The following NPAS3 variants were observed in gnomAD, a reference collection of about 807,000 sequenced individuals.
NPAS3 encodes the protein neuronal PAS domain protein 3.
Under a neutral mutation model 73.1 loss-of-function variants are expected in NPAS3, and 14 were observed. The observed-to-expected ratio is 0.19, with a 90% CI of 0.13 to 0.30. The LOEUF (loss-of-function observed/expected upper bound fraction) is 0.30. Among genes scored for constraint, NPAS3 ranks in the 10% least tolerant of loss-of-function variants. The pLI, the probability that NPAS3 is intolerant of heterozygous loss-of-function variation, is 1.00. For synonymous variants in NPAS3, 620 were observed against 541.5 expected, an observed-to-expected ratio of 1.14 and a Z score of -2.01; for missense variants, 1,096 against 1,250.0, an observed-to-expected ratio of 0.88 and a Z score of 1.86.
chr14:33,287,875 TG>T (rs2041942969), intron 3 of NPAS3, among the ~76,000 whole-genome samples: 1 of 152,202 alleles, frequency 6.6e-6, no homozygotes, highest in African/African-American at 2.4e-5. Context: ...TCCACCAAAC[TG>T]GCATATTATG....
At chr14:33,604,511 C>T (rs1053579339) in intron 5 of NPAS3, among the ~76,000 whole-genome samples, 2 of 152,014 alleles carry the variant, frequency 1.3e-5, no homozygotes, top group Non-Finnish European at 1.5e-5. Flanking sequence ...AAAAAATTCA[C>T]AATTATAGTT....
At chr14:33,246,555 A>AAG (rs1555362062) in intron 3 of NPAS3, among the ~76,000 whole-genome samples, 5 of 146,244 alleles carry the variant, frequency 3.4e-5, no homozygotes, top group South Asian at 2.2e-4. Context: ...AAAAAAAAAA[A>AAG]AAGAAGAACT....
intron 3 of NPAS3, among the ~76,000 whole-genome samples, chr14:33,336,492 G>A (rs187488272): frequency 9.2e-5 from 14 of 152,308 alleles, no homozygotes; most frequent in Non-Finnish European, 2.1e-4. Flanking sequence ...TCCAGAGGAA[G>A]TTCACCACCT....
intron 5 of NPAS3, among the ~76,000 whole-genome samples, chr14:33,571,896 T>A (rs2056231581): frequency 6.6e-6 from 1 of 152,224 alleles, no homozygotes; most frequent in Admixed American, 6.5e-5. Flanking sequence ...TATATCATGC[T>A]GAAGGGGATA....
chr14:33,582,143 G>C (rs1396648843), intron 5 of NPAS3: 1 of 152,098 alleles, frequency 6.6e-6, no homozygotes, highest in Admixed American at 6.5e-5. Flanking sequence ...CATACATTTG[G>C]ACAAATTGTT....
chr14:33,742,690 TC>T (rs2061685723), intron 7 of NPAS3, among the ~76,000 whole-genome samples: 1 of 152,244 alleles, frequency 6.6e-6, no homozygotes, highest in African/African-American at 2.4e-5. Context: ...GTAGATTGAT[TC>T]TTCCTTTCAT....
chr14:33,138,836 A>G (rs2043938066), intron 2 of NPAS3, among the ~76,000 whole-genome samples: 1 of 152,240 alleles, frequency 6.6e-6, no homozygotes, highest in Admixed American at 6.5e-5. Context: ...CATGCAATGG[A>G]ACCTGACTTC....
intron 4 of NPAS3, among the ~76,000 whole-genome samples, chr14:33,498,118 A>G (rs1411822527): frequency 6.6e-6 from 1 of 152,200 alleles, no homozygotes; most frequent in Non-Finnish European, 1.5e-5. Flanking sequence ...TCATTAGAGA[A>G]ATGCAAGTCA....
At chr14:32,992,863 A>T (rs2038390687) in intron 1 of NPAS3, among the ~76,000 whole-genome samples, 1 of 152,072 alleles carries the variant, frequency 6.6e-6, no homozygotes, top group South Asian at 2.1e-4. Flanking sequence ...AAGGAAAATT[A>T]TGGTCTCTCG....
intron 1 of NPAS3, among the ~76,000 whole-genome samples, chr14:32,993,802 A>G (rs2038440047): frequency 6.6e-6 from 1 of 152,198 alleles, no homozygotes; most frequent in Admixed American, 6.5e-5. Flanking sequence ...AAAAAATAAG[A>G]TATTGTTACC....
At chr14:33,367,783 A>T (rs1228403886) in intron 4 of NPAS3, among the ~76,000 whole-genome samples, 1 of 152,138 alleles carries the variant, frequency 6.6e-6, no homozygotes, top group Admixed American at 6.5e-5. Context: ...ATATTTAAAA[A>T]TACTAGTAAA....
intron 2 of NPAS3, among the ~76,000 whole-genome samples, chr14:33,185,640 T>G (rs1223456326): frequency 6.6e-6 from 1 of 152,110 alleles, no homozygotes; most frequent in Non-Finnish European, 1.5e-5. Context: ...GAATGGAGAA[T>G]TTCTTGGAAA....
rs1958007 is a variant in NPAS3 at position 33,165,806 on chromosome 14, C to T, written c.141-49376C>T. Among the ~76,000 whole-genome samples, 357 of 152,126 alleles carry T rather than the reference C, an allele frequency of 2.3e-3. 2 individuals carry two copies. Among genetic ancestry groups the T allele is most frequent in the Non-Finnish European group, 4.1e-3 (280 of 67,996 alleles). ...AACAAAACTGTCAAGCACAGTGACA[C>T]TTTCTGTAGCAAACTTATTCAGCCT... On this transcript the variant is annotated intron_variant, in intron 2 of 11. Transcript: ENST00000356141.
At chr14:33,055,882 A>C (rs1171090496) in intron 1 of NPAS3, 23 bp from the exon 2 acceptor site, 2 of 787,530 alleles carry the variant, frequency 2.5e-6, no homozygotes, top group South Asian at 1.5e-5. Flanking sequence ...AGTCATGTCT[A>C]TCTGTTTTTG....
intron 3 of NPAS3, among the ~76,000 whole-genome samples, chr14:33,271,488 C>A (rs1181856305): frequency 6.6e-6 from 1 of 152,060 alleles, no homozygotes; most frequent in Non-Finnish European, 1.5e-5. Flanking sequence ...AGCAGGAGGT[C>A]AGAAAGAGTC....
chr14:33,470,831 C>G (rs2050745877), intron 4 of NPAS3, among the ~76,000 whole-genome samples: 1 of 151,520 alleles, frequency 6.6e-6, no homozygotes, highest in South Asian at 2.1e-4. Context: ...AAGATGGTGA[C>G]CATTTCAGAG....
chr14:32,935,116 A>C, upstream of NPAS3: 29 of 453,414 alleles, frequency 6.4e-5, no homozygotes, highest in East Asian at 2.4e-4. Context: ...GCCAGGGCTC[A>C]CTTTGCCTGC....
chr14:33,648,688 T>C (rs2058904662), intron 5 of NPAS3, among the ~76,000 whole-genome samples: 1 of 152,164 alleles, frequency 6.6e-6, no homozygotes. Context: ...GAAGCCAGGC[T>C]CAGAGGGCAG....
intron 5 of NPAS3, chr14:33,578,153 C>A (rs1388360487): frequency 2.2e-6 from 1 of 456,020 alleles, no homozygotes; most frequent in Non-Finnish European, 4.4e-6. Context: ...TACTTTGCCT[C>A]CTTCTCTCTT....
Sources: gnomAD v4.1 joint callset for allele counts (sites outside exome capture counted in the v4.1 genomes callset) on GRCh38, gnomAD v4.1.1 for gene constraint, MANE v1.5 for transcripts, NCBI Gene and HGNC (gene_info 2026-07-23, HGNC 2026-07-21) for gene names.